CLNK: variants seen among roughly 807,000 people sequenced by gnomAD.
CLNK encodes the protein cytokine-dependent hematopoietic cell linker.
In CLNK, 74 loss-of-function variants were observed where a neutral mutation model predicts 68.6. The observed-to-expected ratio is 1.08, with a 90% CI of 0.89 to 1.31. The LOEUF (loss-of-function observed/expected upper bound fraction) is 1.31, where lower values mean the gene tolerates loss of function less well. Ranked by LOEUF, CLNK falls within the 50% of genes most tolerant of loss-of-function variation. The pLI is 0.00. For synonymous variants in CLNK, 198 were observed against 172.2 expected, an observed-to-expected ratio of 1.15 and a Z score of -1.17; for missense variants, 553 against 515.3, an observed-to-expected ratio of 1.07 and a Z score of -0.71.
chr4:10,532,714 C>A (rs1718597312), intron 11 of CLNK, among the ~76,000 whole-genome samples: 2 of 152,104 alleles, frequency 1.3e-5, no homozygotes, highest in African/African-American at 4.8e-5. Context: ...CTCAGGAAAG[C>A]AAGTGTAAGA....
In CLNK at chr4:10,496,252, A is replaced by G. The variant is rs73809605; in HGVS notation, c.1140+5004T>C. On this transcript the variant is annotated intron_variant, in intron 18 of 18. Transcript: ENST00000226951. The stretch of plus-strand genomic sequence containing the variant: ...ATAATCTTTGAAGATGCTGTTTCTC[A>G]TTATGTTTTTCCTGCTGAGTTGGGT... 8.4e-3 allele frequency among the ~76,000 whole-genome samples: 1,273 copies of G among 152,334 alleles called. 9 individuals carry two copies. Among genetic ancestry groups the G allele is most frequent in the African/African-American group, 0.03 (1,228 of 41,582 alleles).
chr4:10,730,787 C>A, the CLNK span, among the ~76,000 whole-genome samples: 3 of 152,294 alleles, frequency 2.0e-5, no homozygotes, highest in South Asian at 2.1e-4. Flanking sequence ...TACGTTTAAC[C>A]ATTTCAGTGT....
intron 4 of CLNK, among the ~76,000 whole-genome samples, chr4:10,584,409 AC>A (rs1306679289): frequency 1.3e-5 from 2 of 152,022 alleles, no homozygotes; most frequent in African/African-American, 4.8e-5. Context: ...TGAAATAATA[AC>A]CCTCCCCAGT....
the CLNK span, among the ~76,000 whole-genome samples, chr4:10,730,578 T>C: frequency 6.6e-6 from 1 of 152,188 alleles, no homozygotes; most frequent in Admixed American, 6.5e-5. Context: ...GTGAAGTATG[T>C]CCTACTCTAT....
the CLNK span, among the ~76,000 whole-genome samples, chr4:10,702,449 A>G: frequency 6.6e-6 from 1 of 152,150 alleles, no homozygotes; most frequent in African/African-American, 2.4e-5. Context: ...TTGGATATTT[A>G]GGACTGGAGC....
At chr4:10,640,238 C>T (rs28565316) in intron 2 of CLNK, among the ~76,000 whole-genome samples, 49,681 of 151,838 alleles carry the variant, frequency 0.33, 9,359 homozygotes, top group African/African-American at 0.52. Flanking sequence ...GATCTCAGCT[C>T]ACTGCAACCT....
intron 18 of CLNK, among the ~76,000 whole-genome samples, chr4:10,492,840 GTTACA>G (rs1216893759): frequency 6.6e-6 from 1 of 152,130 alleles, no homozygotes; most frequent in Admixed American, 6.5e-5. Context: ...GTCCTTTCTG[GTTACA>G]TTACAACACA....
chr4:10,505,322 C>G (rs1717247905), intron 17 of CLNK, among the ~76,000 whole-genome samples: 1 of 152,226 alleles, frequency 6.6e-6, no homozygotes, highest in African/African-American at 2.4e-5. Context: ...GAAAAGAGCA[C>G]TGATCTTGAA....
intron 2 of CLNK, among the ~76,000 whole-genome samples, chr4:10,619,990 C>A (rs1722373769): frequency 6.6e-6 from 1 of 152,190 alleles, no homozygotes; most frequent in Non-Finnish European, 1.5e-5. Flanking sequence ...GAACCTCAAT[C>A]ACCAACCCCT....
the CLNK span, among the ~76,000 whole-genome samples, chr4:10,702,564 C>T: frequency 6.6e-6 from 1 of 152,230 alleles, no homozygotes; most frequent in Non-Finnish European, 1.5e-5. Flanking sequence ...CTAAGAGCAT[C>T]TTACAGCTGT....
chr4:10,714,952 G>GT, the CLNK span, among the ~76,000 whole-genome samples: 15 of 151,060 alleles, frequency 9.9e-5, no homozygotes, highest in African/African-American at 2.4e-4. Flanking sequence ...TGTACCTTAA[G>GT]TTTTTTTTTC....
At chr4:10,675,102 C>T (rs539097015) in intron 1 of CLNK, among the ~76,000 whole-genome samples, 75 of 152,210 alleles carry the variant, frequency 4.9e-4, no homozygotes, top group Middle Eastern at 3.4e-3. Context: ...TGTTTACCTA[C>T]GTAACAAACC....
intron 15 of CLNK, among the ~76,000 whole-genome samples, chr4:10,520,042 C>CCT (rs1560198836): frequency 2.0e-5 from 3 of 148,710 alleles, no homozygotes; most frequent in Non-Finnish European, 1.5e-5. Context: ...CTTAAGCCCC[C>CCT]TTTTTTTTTT....
the CLNK span, among the ~76,000 whole-genome samples, chr4:10,719,835 G>T: frequency 6.6e-6 from 1 of 152,050 alleles, no homozygotes; most frequent in South Asian, 2.1e-4. Flanking sequence ...ACAAACCTTG[G>T]CAAACTTAAA....
Position 10,592,018 on chromosome 4 carries a change from G to C in CLNK, c.83+5960C>G, listed in dbSNP as rs568275132. 1.1e-3 allele frequency among the ~76,000 whole-genome samples: 172 copies of C among 152,328 alleles called. 1 individual carries two copies. The highest frequency in any genetic ancestry group is 1.2e-4 in the Non-Finnish European group (8 of 68,028). ...TCATACACCCAAGACCCTCTTGGCC[G>C]AGTGAGGCTCCCACCTCCTCAGACC... On this transcript the variant is annotated intron_variant, in intron 3 of 18. Coordinates refer to ENST00000226951, the MANE Select transcript of CLNK (RefSeq NM_052964.4).
intron 11 of CLNK, among the ~76,000 whole-genome samples, chr4:10,536,158 A>G (rs780568111): frequency 1.2e-4 from 18 of 152,238 alleles, no homozygotes; most frequent in Non-Finnish European, 2.6e-4. Flanking sequence ...AAAAGGCTGC[A>G]GCTGTCTAAC....
intron 2 of CLNK, among the ~76,000 whole-genome samples, chr4:10,604,422 G>A (rs1011405523): frequency 1.3e-5 from 2 of 152,092 alleles, no homozygotes; most frequent in African/African-American, 2.4e-5. Context: ...TCATGCACAC[G>A]CTTCTTCTAA....
intron 2 of CLNK, among the ~76,000 whole-genome samples, chr4:10,633,324 C>T (rs1283890424): frequency 9.8e-5 from 15 of 152,320 alleles, no homozygotes; most frequent in African/African-American, 2.9e-4. Flanking sequence ...TCTCTCAAGT[C>T]GACAGCGTTA....
At chr4:10,495,341 AGGT>A (rs906474905) in intron 18 of CLNK, among the ~76,000 whole-genome samples, 2 of 152,210 alleles carry the variant, frequency 1.3e-5, no homozygotes, top group African/African-American at 4.8e-5. Context: ...TGTTTAAGGC[AGGT>A]GCCTCCTTGG....
Sources: gnomAD v4.1 joint callset for allele counts (sites outside exome capture counted in the v4.1 genomes callset) on GRCh38, gnomAD v4.1.1 for gene constraint, MANE v1.5 for transcripts, NCBI Gene and HGNC (gene_info 2026-07-23, HGNC 2026-07-21) for gene names.